The following LAMB2 variants were observed in gnomAD, a reference collection of about 807,000 sequenced individuals.
LAMB2 encodes laminin subunit beta-2.
LAMB2 carries 119 observed loss-of-function variants against 202.7 expected under a neutral mutation model. The observed-to-expected ratio is 0.59, with a 90% CI of 0.51 to 0.68. LAMB2 has a LOEUF of 0.68. LAMB2 is among the 30% of genes least tolerant of loss of function. The probability of loss-of-function intolerance (pLI) is 0.00; values close to 1 mark genes in which losing one functional copy is unlikely to be tolerated. For missense variants in LAMB2, 2,124 were observed against 2,410.6 expected (o/e 0.88, Z 2.49); for synonymous variants, 818 against 902.2 (o/e 0.91, Z 1.67).
Position 49,123,791 on chromosome 3 carries a change from A to G in LAMB2, c.3734T>C (p.Val1245Ala), listed in dbSNP as rs2045379189. ...QEKLGIVQGI[V>A]GARNTSAAST... Reference sequence around the variant, plus strand: ...GGCGGCTGAGGTGTTGCGGGCACCTACGATGCCCTGCACAATGCCCAGCTT... The same window carrying G: ...GGCGGCTGAGGTGTTGCGGGCACCTGCGATGCCCTGCACAATGCCCAGCTT... Residue 1245 changes from valine to alanine, a missense_variant, in exon 24 of 32, where the codon GTA (valine) becomes GCA (alanine). Coordinates refer to ENST00000305544, the MANE Select transcript of LAMB2 (RefSeq NM_002292.4). 1 of 1,613,304 alleles carries G rather than the reference A, an allele frequency of 6.2e-7. No individual in the cohort carries two copies. Among genetic ancestry groups the G allele is most frequent in the African/African-American group, 1.3e-5 (1 of 75,050 alleles).
At position 49,132,539 on chromosome 3, in the gene LAMB2, A is replaced by G. The variant is rs773510319; in HGVS notation, c.201T>C (p.Thr67=). 2 of 1,613,764 alleles carry G rather than the reference A, an allele frequency of 1.2e-6. No individual in the cohort carries two copies. Among genetic ancestry groups the G allele is most frequent in the Non-Finnish European group, 1.7e-6 (2 of 1,180,022 alleles). Residue 67 remains threonine, a synonymous_variant, in exon 2 of 32, where the codon ACT becomes ACC. Transcript: ENST00000305544. The surrounding 1 kb of genome is among the most constrained non-coding windows in gnomAD (Gnocchi z 4.6). The stretch of plus-strand genomic sequence containing the variant: ...AGGGCTGGGGGCCATTCAGGCCACA[A>G]GTGGATGAGGCAGTCAGTCTGTCAG... ...GRADRLTASS[T]CGLNGPQPYC...
At position 49,123,520 on chromosome 3, in the gene LAMB2, A is replaced by G. The variant is rs1326043164; in HGVS notation, c.3909T>C (p.Asp1303=). Residue 1303 remains aspartate, a synonymous_variant, in exon 25 of 32, where the codon GAT becomes GAC. Coordinates refer to ENST00000305544, the MANE Select transcript of LAMB2 (RefSeq NM_002292.4). ...GCAGTGTGAGATTAAGTGCAAGCCT[A>G]TCTCGCTCCAGACCACTTAGTGCAT... is the stretch of plus-strand genomic sequence containing the variant. The part of the protein sequence containing the change: ...ANHALSGLER[D]RLALNLTLRQ... The G allele has an allele frequency of 6.2e-7, 1 of 1,614,208 alleles. No individual in the cohort carries two copies. Among genetic ancestry groups the G allele is most frequent in the South Asian group, 1.1e-5 (1 of 91,084 alleles).
At position 49,121,857 on chromosome 3, in the gene LAMB2, G is replaced by A. The variant is rs766061459; in HGVS notation, c.4927C>T (p.Gln1643Ter). 3 of 1,613,108 alleles carry A rather than the reference G, an allele frequency of 1.9e-6. No individual in the cohort carries two copies. Among genetic ancestry groups the A allele is most frequent in the Non-Finnish European group, 2.5e-6 (3 of 1,180,024 alleles). Residue 1643 changes from glutamine (Q) to a stop codon, truncating the protein, a stop_gained, in exon 30 of 32, where the codon CAG (glutamine) becomes TAG (stop). Transcript: ENST00000305544. LOFTEE classifies it high-confidence loss of function. ...CGCTCTGCACCTGCCATCCTCTCCTGTACCTGCCATGGGTGAGCCAAAGGT... is the reference window on the plus strand; with the variant it reads ...CGCTCTGCACCTGCCATCCTCTCCTATACCTGCCATGGGTGAGCCAAAGGT... ...RDTEQTLYQV[Q>*]ERMAGAERAL...
rs755874006 is a variant in LAMB2 at position 49,123,798 on chromosome 3, C to G, written c.3727G>C (p.Gly1243Arg). ...GAGGTGTTGCGGGCACCTACGATGCCCTGCACAATGCCCAGCTTCTCCTGC... is the reference window on the plus strand; with the variant it reads ...GAGGTGTTGCGGGCACCTACGATGCGCTGCACAATGCCCAGCTTCTCCTGC... Reference protein sequence around the residue: ...HMQEKLGIVQGIVGARNTSAA... With the variant: ...HMQEKLGIVQRIVGARNTSAA... The change falls in exon 24 of 32, where the codon GGC (glycine) becomes CGC (arginine). Residue 1243 changes from glycine to arginine, a missense_variant. This residue lies in a region of LAMB2 where 1,702 missense variants were observed against 1,896.3 expected (regional missense o/e 0.90). Coordinates refer to ENST00000305544, the MANE Select transcript of LAMB2 (RefSeq NM_002292.4). 1.4e-5 allele frequency: 22 copies of G among 1,613,200 alleles called. No individual in the cohort carries two copies. The highest frequency in any genetic ancestry group is 1.8e-5 in the Non-Finnish European group (21 of 1,180,038).
Position 49,131,090 on chromosome 3 carries a change from G to A in LAMB2, c.775C>T (p.Leu259=), listed in dbSNP as rs1201024526. The part of the protein sequence containing the change: ...LTRLHTLGDN[L]LDPRREIREK... ...CGGATCTCCCTCCGTGGGTCGAGTA[G>A]GTTGTCTCCCAACGTGTGTAGACGA... Residue 259 remains leucine (L), a synonymous_variant, in exon 7 of 32, where the codon CTA becomes TTA. Transcript: ENST00000305544. This position sits in a 1 kb window ranked among gnomAD's most constrained non-coding sequence, Gnocchi z 5.0. 1.9e-6 allele frequency: 3 copies of A among 1,613,678 alleles called. No individual in the cohort carries two copies. The highest frequency in any genetic ancestry group is 3.3e-5 in the Admixed American group (2 of 60,010).
rs1560077150 is a variant in LAMB2 at position 49,131,991 on chromosome 3, T to G, written c.459+125A>C. The G allele has an allele frequency of 4.1e-6, 4 of 979,390 alleles. No homozygotes were observed. Among genetic ancestry groups the G allele is most frequent in the Non-Finnish European group, 6.5e-6 (4 of 612,838 alleles). 60.7% of individuals were successfully genotyped at this position (979,390 alleles called of 1,614,324 possible). ...AAGGCCTGGAGGCAAATGGAAGGTG[T>G]GAAGGGATGAAGGAGCCTCCTGCAT... On this transcript the variant is annotated intron_variant, in intron 4 of 31. Transcript: ENST00000305544. This position sits in a 1 kb window ranked among gnomAD's most constrained non-coding sequence, Gnocchi z 5.0.
In LAMB2 at chr3:49,132,464, G is replaced by C. The variant is rs760825125; in HGVS notation, c.249+27C>G. The C allele has an allele frequency of 1.9e-6, 3 of 1,613,968 alleles. No individual in the cohort carries two copies. Among genetic ancestry groups the C allele is most frequent in the Non-Finnish European group, 2.5e-6 (3 of 1,180,004 alleles). On this transcript the variant is annotated intron_variant, in intron 2 of 31. Coordinates refer to ENST00000305544, the MANE Select transcript of LAMB2 (RefSeq NM_002292.4). The surrounding 1 kb of genome is among the most constrained non-coding windows in gnomAD (Gnocchi z 4.6). ...GGCAGTGCCAGCCCCACCCTGACTC[G>C]GCGTCACACCCTGTCCCCAGCCACA... is the stretch of plus-strand genomic sequence containing the variant.
chr3:49,126,638 C>T, intron 15 of LAMB2, 141 bp from the exon 16 acceptor site: 1 of 1,020,022 alleles, frequency 9.8e-7, no homozygotes, highest in Middle Eastern at 2.8e-4. Context: ...CTGCGCTAGG[C>T]CAACAAACAG....
Position 49,131,350 on chromosome 3 carries a change from G to C in LAMB2, c.712+29C>G. The C allele has an allele frequency of 6.2e-7, 1 of 1,610,618 alleles. No homozygotes were observed. The highest frequency in any genetic ancestry group is 8.5e-7 in the Non-Finnish European group (1 of 1,176,920). ...AATAGTCCCTAGCCGGACACGGACT[G>C]TGCCAGACTCAAAGGGTGGAGCACT... On this transcript the variant is annotated intron_variant, in intron 6 of 31. Transcript: ENST00000305544. The surrounding 1 kb of genome is among the most constrained non-coding windows in gnomAD (Gnocchi z 5.0).
chr3:49,123,882 C>T lies in LAMB2; in HGVS notation c.3643G>A (p.Ala1215Thr). Residue 1215 changes from alanine to threonine, a missense_variant, in exon 24 of 32, where the codon GCG (alanine) becomes ACG (threonine). By Grantham distance (58) the Ala-to-Thr change is moderately conservative. This residue lies in a region of LAMB2 where 1,702 missense variants were observed against 1,896.3 expected (regional missense o/e 0.90). Coordinates refer to ENST00000305544, the MANE Select transcript of LAMB2 (RefSeq NM_002292.4). Reference protein sequence around the residue: ...AARTQRLEQRAQELQQTGVLG... With the variant: ...AARTQRLEQRTQELQQTGVLG... ...ACACCCGTCTGTTGCAACTCCTGCG[C>T]CCGCTGCTCTAGGCGCTGTGTACGG... 3 of 1,613,516 alleles carry T rather than the reference C, an allele frequency of 1.9e-6. No homozygotes were observed. The highest frequency in any genetic ancestry group is 2.5e-6 in the Non-Finnish European group (3 of 1,180,022).
At position 49,125,385 on chromosome 3, in the gene LAMB2, C is replaced by A; in HGVS notation, c.2588G>T (p.Arg863Leu). ...RTGAFGLRCD[R>L]CQRGQWGFPS... is the part of the protein sequence containing the mutation. ...GAATCCCCACTGGCCACGCTGGCAGCGGTCACAGCGAAGCCCAAAGGCACC... is the reference window on the plus strand; with the variant it reads ...GAATCCCCACTGGCCACGCTGGCAGAGGTCACAGCGAAGCCCAAAGGCACC... Residue 863 changes from arginine (R) to leucine (L), a missense_variant, in exon 19 of 32, where the codon CGC becomes CTC. This residue lies in a region of LAMB2 where 1,702 missense variants were observed against 1,896.3 expected (regional missense o/e 0.90). Coordinates refer to ENST00000305544, the MANE Select transcript of LAMB2 (RefSeq NM_002292.4). 6.2e-7 allele frequency: 1 copy of A among 1,614,066 alleles called. No homozygotes were observed.
In LAMB2 at chr3:49,121,785, G is replaced by A. The variant is rs926172016; in HGVS notation, c.4999C>T (p.Leu1667=). 7 of 1,613,324 alleles carry A rather than the reference G, an allele frequency of 4.3e-6. No homozygotes were observed. The African/African-American group carries it at 9.3e-5, about 22-fold the overall frequency. Residue 1667 remains leucine, a synonymous_variant, in exon 30 of 32, where the codon CTG becomes TTG. Coordinates refer to ENST00000305544, the MANE Select transcript of LAMB2 (RefSeq NM_002292.4). The stretch of plus-strand genomic sequence containing the variant: ...GCCCGTTTCAATTTCAGAGCCTCCA[G>A]GAGAGCATCCAACTGCCGAGCCCTT... ...GERARQLDAL[L]EALKLKRAGN... is the part of the protein sequence containing the mutation.
Position 49,123,916 on chromosome 3 carries a change from G to A in LAMB2, c.3609C>T (p.Asp1203=), listed in dbSNP as rs1357230465. ...CFGDWDRVVQ[D]LAARTQRLEQ... is the part of the protein sequence containing the mutation. ...CTAGGCGCTGTGTACGGGCTGCCAA[G>A]TCCTGCACCACTCGGTCCCAATCCC... is the stretch of plus-strand genomic sequence containing the variant. The change falls in exon 24 of 32, where the codon GAC becomes GAT. Residue 1203 remains aspartate (D), a synonymous_variant. Coordinates refer to ENST00000305544, the MANE Select transcript of LAMB2 (RefSeq NM_002292.4). 2 of 1,613,196 alleles carry A rather than the reference G, an allele frequency of 1.2e-6. No individual in the cohort carries two copies. The highest frequency in any genetic ancestry group is 1.7e-6 in the Non-Finnish European group (2 of 1,180,048).
chr3:49,129,208 T>A lies in LAMB2; in HGVS notation c.1598+37A>T. The A allele has an allele frequency of 6.2e-7, 1 of 1,614,090 alleles. No individual in the cohort carries two copies. Among genetic ancestry groups the A allele is most frequent in the Non-Finnish European group, 8.5e-7 (1 of 1,180,020 alleles). ...AACCTTCTCTTCTGCTCAGGATCTT[T>A]CCCCATCCCTTCCCAGGCCCCCTTT... On this transcript the variant is annotated intron_variant, in intron 12 of 31. Coordinates refer to ENST00000305544, the MANE Select transcript of LAMB2 (RefSeq NM_002292.4). This position sits in a 1 kb window ranked among gnomAD's most constrained non-coding sequence, Gnocchi z 6.1.
rs761229276 is a variant in LAMB2 at position 49,132,874 on chromosome 3, G to C, written c.-7C>G. On this transcript the variant is annotated 5_prime_UTR_variant, in exon 1 of 32. Coordinates refer to ENST00000305544, the MANE Select transcript of LAMB2 (RefSeq NM_002292.4). The surrounding 1 kb of genome is among the most constrained non-coding windows in gnomAD (Gnocchi z 4.6). The stretch of plus-strand genomic sequence containing the variant: ...CCCTTGAGGTCAGCTCCATCCTGAA[G>C]AGGGGAACAGGGATAAGGGGAGGTG... The C allele has an allele frequency of 6.2e-7, 1 of 1,613,808 alleles. No homozygotes were observed. Among genetic ancestry groups the C allele is most frequent in the Non-Finnish European group, 8.5e-7 (1 of 1,179,770 alleles).
chr3:49,132,517 G>A lies in LAMB2; in HGVS notation c.223C>T (p.Pro75Ser). 1 of 1,613,822 alleles carries A rather than the reference G, an allele frequency of 6.2e-7. No individual in the cohort carries two copies. ...SSTCGLNGPQ[P>S]YCIVSHLQDE... Reference sequence around the variant, plus strand: ...TGCAGGTGACTGACGATGCAGTAGGGCTGGGGGCCATTCAGGCCACAAGTG... The same window carrying A: ...TGCAGGTGACTGACGATGCAGTAGGACTGGGGGCCATTCAGGCCACAAGTG... The change falls in exon 2 of 32, where the codon CCC (proline) becomes TCC (serine). Residue 75 changes from proline (P) to serine (S), a missense_variant. By Grantham distance (74) the Pro-to-Ser change is moderately conservative. Around this residue, in one of 3 missense-constraint regions of LAMB2, gnomAD observed 166 missense variants for 158.2 expected, o/e 1.05. Transcript: ENST00000305544. This position sits in a 1 kb window ranked among gnomAD's most constrained non-coding sequence, Gnocchi z 4.6.
chr3:49,126,861 CCT>C (rs1455618589), intron 15 of LAMB2, among the ~76,000 whole-genome samples: 2 of 152,182 alleles, frequency 1.3e-5, no homozygotes, highest in Non-Finnish European at 2.9e-5. Flanking sequence ...TATGTCGCCC[CCT>C]CTCTCTTTGT....
chr3:49,129,894 C>T lies in LAMB2; in HGVS notation c.1350G>A (p.Gln450=). The change falls in exon 10 of 32, where the codon CAG becomes CAA. Residue 450 remains glutamine (Q), a synonymous_variant. Transcript: ENST00000305544. This position sits in a 1 kb window ranked among gnomAD's most constrained non-coding sequence, Gnocchi z 6.1. The part of the protein sequence containing the change: ...CKEHVVGTRC[Q]QCRDGFFGLS... ...GCCCAAAGAAGCCATCACGGCATTG[C>T]TGGCAGCGAGTGCCCACCACATGTT... The T allele has an allele frequency of 6.8e-6, 11 of 1,614,044 alleles. No homozygotes were observed. The highest frequency in any genetic ancestry group is 9.3e-6 in the Non-Finnish European group (11 of 1,180,048).
At position 49,121,850 on chromosome 3, in the gene LAMB2, C is replaced by A; in HGVS notation, c.4934G>T (p.Arg1645Met). 1 of 1,613,154 alleles carries A rather than the reference C, an allele frequency of 6.2e-7. No individual in the cohort carries two copies. ...TEQTLYQVQE[R>M]MAGAERALSS... Reference sequence around the variant, plus strand: ...CAGTGCCCGCTCTGCACCTGCCATCCTCTCCTGTACCTGCCATGGGTGAGC... The same window carrying A: ...CAGTGCCCGCTCTGCACCTGCCATCATCTCCTGTACCTGCCATGGGTGAGC... The change falls in exon 30 of 32, where the codon AGG (arginine) becomes ATG (methionine). Residue 1645 changes from arginine (R) to methionine (M), a missense_variant. Arg to Met is a moderately conservative substitution (Grantham distance 91). This residue lies in a region of LAMB2 where 1,702 missense variants were observed against 1,896.3 expected (regional missense o/e 0.90). Transcript: ENST00000305544.
Sources: allele counts gnomAD v4.1 joint callset (sites outside exome capture counted in the v4.1 genomes callset), GRCh38; gene constraint gnomAD v4.1.1; regional missense constraint gnomAD v4.1.1; non-coding constraint Gnocchi (gnomAD v3.1); transcripts MANE v1.5; gene names NCBI Gene and HGNC (gene_info 2026-07-23, HGNC 2026-07-21).